RAPGEF4: variants seen among roughly 807,000 people sequenced by gnomAD.
RAPGEF4 encodes the protein RAP guanine-nucleotide-exchange factor (GEF) 4.
RAPGEF4 carries 66 observed loss-of-function variants against 147.9 expected under a neutral mutation model. The ratio of observed to expected loss-of-function variants is 0.45; its 90% confidence interval spans 0.37 to 0.55. RAPGEF4 has a LOEUF of 0.55. Among genes scored for constraint, RAPGEF4 ranks in the 20% least tolerant of loss-of-function variants. The pLI is 0.00. For missense variants in RAPGEF4, 1,071 were observed against 1,257.3 expected, an observed-to-expected ratio of 0.85 and a Z score of 2.24; for synonymous variants, 419 against 442.7, an observed-to-expected ratio of 0.95 and a Z score of 0.67.
At chr2:172,949,069 T>G (rs1687963936) in intron 6 of RAPGEF4, among the ~76,000 whole-genome samples, 1 of 152,194 alleles carries the variant, frequency 6.6e-6, no homozygotes, top group Admixed American at 6.5e-5. Context: ...AGTAAAATAG[T>G]TCACAAATTA....
chr2:172,762,723 C>G (rs991167875), intron 1 of RAPGEF4, among the ~76,000 whole-genome samples: 3 of 152,178 alleles, frequency 2.0e-5, no homozygotes, highest in Admixed American at 6.5e-5. Context: ...ATGTTGCTGC[C>G]TAACACAAGG....
chr2:172,892,241 T>C (rs1050027417), intron 4 of RAPGEF4, among the ~76,000 whole-genome samples: 1 of 152,210 alleles, frequency 6.6e-6, no homozygotes, highest in Non-Finnish European at 1.5e-5. Context: ...ATCCTCATGC[T>C]CCCTATTAAG....
intron 4 of RAPGEF4, chr2:172,821,897 C>T: frequency 6.2e-7 from 1 of 1,609,330 alleles, no homozygotes. Flanking sequence ...GTACATTTTG[C>T]TGATCAAATA....
chr2:172,931,272 A>G (rs936228719), intron 6 of RAPGEF4, among the ~76,000 whole-genome samples: 4 of 149,980 alleles, frequency 2.7e-5, no homozygotes, highest in Admixed American at 2.0e-4. Context: ...TTCAGTTTAC[A>G]TGGAGCGTAA....
At chr2:173,025,117 G>A (rs77545794) in intron 23 of RAPGEF4, among the ~76,000 whole-genome samples, 1 of 152,292 alleles carries the variant, frequency 6.6e-6, no homozygotes, top group Non-Finnish European at 1.5e-5. Context: ...CTGTACCTGG[G>A]TGTCACATGT....
chr2:172,913,831 T>C (rs1467475922), intron 4 of RAPGEF4, among the ~76,000 whole-genome samples: 1 of 152,200 alleles, frequency 6.6e-6, no homozygotes, highest in Non-Finnish European at 1.5e-5. Flanking sequence ...TCAAAAGTTC[T>C]AAAGAATGAA....
intron 4 of RAPGEF4, among the ~76,000 whole-genome samples, chr2:172,841,412 C>T (rs1174295986): frequency 1.3e-5 from 2 of 152,166 alleles, no homozygotes; most frequent in Non-Finnish European, 2.9e-5. Flanking sequence ...GCCAACAGAT[C>T]CATGAGCCAA....
chr2:172,962,537 T>C (rs952361332), intron 8 of RAPGEF4, among the ~76,000 whole-genome samples: 4 of 152,080 alleles, frequency 2.6e-5, no homozygotes, highest in Non-Finnish European at 4.4e-5. Context: ...AGGACAGAGA[T>C]AGAAAAATAT....
At chr2:172,859,184 G>T (rs1693755723) in intron 4 of RAPGEF4, among the ~76,000 whole-genome samples, 1 of 152,128 alleles carries the variant, frequency 6.6e-6, no homozygotes, top group Non-Finnish European at 1.5e-5. Context: ...GATGAAACTT[G>T]GTATGCTTTG....
chr2:172,901,525 G>C (rs1299251008), intron 4 of RAPGEF4, among the ~76,000 whole-genome samples: 2 of 152,192 alleles, frequency 1.3e-5, no homozygotes, highest in African/African-American at 2.4e-5. Flanking sequence ...TTTCTTTCAA[G>C]CATCTGTTTT....
intron 4 of RAPGEF4, among the ~76,000 whole-genome samples, chr2:172,865,100 G>A (rs1005844882): frequency 3.9e-5 from 6 of 152,186 alleles, no homozygotes; most frequent in African/African-American, 1.4e-4. Flanking sequence ...GCTGAGCAGT[G>A]CCAGAGAAAA....
At chr2:172,736,354 G>T (rs1163546123) in intron 1 of RAPGEF4, 7 of 244,882 alleles carry the variant, frequency 2.9e-5, no homozygotes, top group Non-Finnish European at 5.5e-5. Context: ...CTGGGTGGGG[G>T]TTTATTTTCT....
At chr2:172,995,360 G>A (rs4972392) in intron 15 of RAPGEF4, among the ~76,000 whole-genome samples, 110,528 of 150,782 alleles carry the variant, frequency 0.73, 40,984 homozygotes, top group East Asian at 1. Flanking sequence ...GCTCACTGCA[G>A]CCTCCGCCTC....
chr2:172,990,931 T>C lies in RAPGEF4; in HGVS notation c.1490+6T>C, dbSNP rs1439403096. ...AACTCACAGCCTCAGCAAAAGTATG[T>C]TTGCATCCAACACTGTAATTGCCAG... On this transcript the variant is annotated splice_donor_region_variant and intron_variant, in intron 15 of 30. Coordinates refer to ENST00000397081, the MANE Select transcript of RAPGEF4 (RefSeq NM_007023.4). 6.3e-7 allele frequency: 1 copy of C among 1,592,394 alleles called. No individual in the cohort carries two copies. Among genetic ancestry groups the C allele is most frequent in the Admixed American group, 1.7e-5 (1 of 59,796 alleles).
chr2:173,036,621 T>C lies in RAPGEF4; in HGVS notation c.2789-7T>C, dbSNP rs986916691. The stretch of plus-strand genomic sequence containing the variant: ...GTGATTAGAATGTGGCTTTTATTTC[T>C]TTACAGATATGACATTTACTCATGA... On this transcript the variant is annotated splice_region_variant and splice_polypyrimidine_tract_variant and intron_variant, in intron 28 of 30. Transcript: ENST00000397081. 5 of 1,597,516 alleles carry C rather than the reference T, an allele frequency of 3.1e-6. No homozygotes were observed. The highest frequency in any genetic ancestry group is 4.3e-6 in the Non-Finnish European group (5 of 1,171,866).
chr2:172,990,943 A>G lies in RAPGEF4; in HGVS notation c.1490+18A>G. On this transcript the variant is annotated intron_variant, in intron 15 of 30. Coordinates refer to ENST00000397081, the MANE Select transcript of RAPGEF4 (RefSeq NM_007023.4). ...CAGCAAAAGTATGTTTGCATCCAAC[A>G]CTGTAATTGCCAGACTATGATTAAC... The G allele has an allele frequency of 1.3e-6, 2 of 1,532,914 alleles. No individual in the cohort carries two copies. Among genetic ancestry groups the G allele is most frequent in the East Asian group, 4.5e-5 (2 of 44,416 alleles). The allele number at this position is 1,532,914 out of a possible 1,614,324, so 95.0% of individuals were successfully genotyped here.
intron 4 of RAPGEF4, among the ~76,000 whole-genome samples, chr2:172,880,706 C>T (rs917070238): frequency 6.6e-6 from 1 of 152,250 alleles, no homozygotes; most frequent in African/African-American, 2.4e-5. Context: ...GGCATTTCCA[C>T]TTACTAGCCA....
Position 173,030,170 on chromosome 2 carries a change from G to T in RAPGEF4, c.2565G>T (p.Lys855Asn). The T allele has an allele frequency of 6.2e-7, 1 of 1,609,362 alleles. No individual in the cohort carries two copies. The highest frequency in any genetic ancestry group is 1.1e-5 in the South Asian group (1 of 90,976). Residue 855 changes from lysine to asparagine, a missense_variant, in exon 26 of 31, where the codon AAG becomes AAT. Physicochemically the swap from Lys to Asn is moderately conservative, Grantham distance 94. Coordinates refer to ENST00000397081, the MANE Select transcript of RAPGEF4 (RefSeq NM_007023.4). ...KKFIKIAAHCKEYKNLNSFFA... is the reference protein window; with the variant it reads ...KKFIKIAAHCNEYKNLNSFFA... ...CGCATCTCCTGTGTTTCAGCTGTAA[G>T]GAGTATAAAAATCTGAATTCCTTTT...
chr2:172,781,732 C>T (rs1349543994), intron 1 of RAPGEF4, among the ~76,000 whole-genome samples: 1 of 152,132 alleles, frequency 6.6e-6, no homozygotes, highest in East Asian at 1.9e-4. Context: ...GTTACATAAC[C>T]TACCTACCTA....
Sources: gnomAD v4.1 joint callset for allele counts (sites outside exome capture counted in the v4.1 genomes callset) on GRCh38, gnomAD v4.1.1 for gene constraint, MANE v1.5 for transcripts, NCBI Gene and HGNC (gene_info 2026-07-23, HGNC 2026-07-21) for gene names.